Variants in PPP2R3B observed in about 807,000 individuals in gnomAD.
PPP2R3B encodes the protein protein phosphatase 2 regulatory subunit B''beta.
Under a neutral mutation model 72.9 loss-of-function variants are expected in PPP2R3B, and 68 were observed. The ratio of observed to expected loss-of-function variants is 0.93; its 90% CI spans 0.77 to 1.14. The LOEUF is 1.14. PPP2R3B is among the 50% of genes most tolerant of loss of function. PPP2R3B has a pLI of 0.00. For synonymous variants in PPP2R3B, 466 were observed against 375.8 expected (o/e 1.24, Z -2.78); for missense variants, 1,018 against 842.0 (o/e 1.21, Z -2.59).
rs753394691 is a variant in PPP2R3B at position 341,878 on chromosome X, C to T, written c.1085+5G>A. 5 of 1,612,638 alleles carry T rather than the reference C, an allele frequency of 3.1e-6. No homozygotes were observed. The highest frequency in any genetic ancestry group is 1.1e-5 in the South Asian group (1 of 91,082). Reference sequence around the variant, plus strand: ...GCTGCCGTCAGGCGCCTGAGCCGTACGTACCGTGTGACTGCTCCTGAGAAG... The same window carrying T: ...GCTGCCGTCAGGCGCCTGAGCCGTATGTACCGTGTGACTGCTCCTGAGAAG... On this transcript the variant is annotated splice_donor_5th_base_variant and intron_variant, in intron 8 of 12. Transcript: ENST00000390665.
chrX:364,581 G>C (rs957728440), intron 1 of PPP2R3B, among the ~76,000 whole-genome samples: 6 of 149,626 alleles, frequency 4.0e-5, no homozygotes, highest in African/African-American at 7.4e-5. Flanking sequence ...AGCCGGGTGT[G>C]GTGGAGGGTG....
intron 1 of PPP2R3B, among the ~76,000 whole-genome samples, chrX:369,033 G>A (rs1226031533): frequency 6.6e-6 from 1 of 152,212 alleles, no homozygotes. Context: ...CACAGCTGCA[G>A]AGCACACATT....
At chrX:370,522 G>C (rs2071836478) in intron 1 of PPP2R3B, among the ~76,000 whole-genome samples, 1 of 152,190 alleles carries the variant, frequency 6.6e-6, no homozygotes. Context: ...AACACAGCGA[G>C]GGGAGGATCC....
chrX:348,609 C>T (rs2071272044), intron 2 of PPP2R3B, among the ~76,000 whole-genome samples: 1 of 150,086 alleles, frequency 6.7e-6, no homozygotes, highest in Admixed American at 6.6e-5. Context: ...GCCATGTCAG[C>T]TGTAACTACA....
chrX:358,712 C>T (rs974430554), intron 2 of PPP2R3B, among the ~76,000 whole-genome samples: 16 of 152,294 alleles, frequency 1.1e-4, no homozygotes, highest in African/African-American at 3.1e-4. Flanking sequence ...GAGGTGACAC[C>T]GAGAACTGAG....
intron 1 of PPP2R3B, among the ~76,000 whole-genome samples, chrX:375,016 TCTC>T (rs1414132051): frequency 6.6e-6 from 1 of 152,028 alleles, no homozygotes; most frequent in Non-Finnish European, 1.5e-5. Flanking sequence ...GGCCTTTTCT[TCTC>T]CTGCAACCTT....
In PPP2R3B at chrX:338,629, T is replaced by A. The variant is rs761786547; in HGVS notation, c.1552A>T (p.Thr518Ser). 1 of 1,609,254 alleles carries A rather than the reference T, an allele frequency of 6.2e-7. No individual in the cohort carries two copies. Among genetic ancestry groups the A allele is most frequent in the South Asian group, 1.1e-5 (1 of 90,518 alleles). The change falls in exon 12 of 13, where the codon ACT becomes TCT. Residue 518 changes from threonine to serine, a missense_variant. Transcript: ENST00000390665. Reference protein sequence around the residue: ...EEYDILVAEETAGEPWEDGFE... With the variant: ...EEYDILVAEESAGEPWEDGFE... ...CCGTCCTCCCAGGGCTCTCCCGCAGTCTCCTCGGCCACCAGGATGTCGTAC... is the reference window on the plus strand; with the variant it reads ...CCGTCCTCCCAGGGCTCTCCCGCAGACTCCTCGGCCACCAGGATGTCGTAC...
chrX:345,957 C>T (rs906791564), intron 6 of PPP2R3B, among the ~76,000 whole-genome samples: 2 of 147,020 alleles, frequency 1.4e-5, no homozygotes, highest in Non-Finnish European at 3.0e-5. Context: ...CCCCACCCGC[C>T]TCCTAGATCA....
chrX:335,983 C>G (rs758888913), intron 12 of PPP2R3B: 1 of 152,074 alleles, frequency 6.6e-6, no homozygotes, highest in African/African-American at 2.4e-5. Flanking sequence ...CTGGGCAACA[C>G]GGTGAAACCC....
At chrX:370,113 G>A (rs937947206) in intron 1 of PPP2R3B, among the ~76,000 whole-genome samples, 18 of 152,194 alleles carry the variant, frequency 1.2e-4, no homozygotes, top group African/African-American at 4.8e-5. Context: ...CACGCTGGAC[G>A]GCTAAACACA....
At chrX:341,247 T>G (rs1306034775) in intron 9 of PPP2R3B, 60 bp downstream of exon 9, 1 of 1,578,916 alleles carries the variant, frequency 6.3e-7, no homozygotes, top group African/African-American at 1.3e-5. Context: ...GGGACACATG[T>G]CACATGGGCG....
intron 1 of PPP2R3B, among the ~76,000 whole-genome samples, chrX:375,511 C>T (rs2071971408): frequency 6.8e-6 from 1 of 147,358 alleles, no homozygotes; most frequent in African/African-American, 2.6e-5. Flanking sequence ...TGATGTGGGG[C>T]ACAAACTCAC....
At chrX:338,092 A>T (rs2070939119) in intron 12 of PPP2R3B, 1 of 175,302 alleles carries the variant, frequency 5.7e-6, no homozygotes, top group African/African-American at 2.4e-5. Context: ...GTGAAAACAT[A>T]CGTCACAAAC....
chrX:361,660 C>T (rs2071544420), intron 1 of PPP2R3B, 70 bp from the exon 2 acceptor site: 2 of 1,570,624 alleles, frequency 1.3e-6, no homozygotes, highest in South Asian at 1.2e-5. Context: ...CCGGACAACA[C>T]ACGGGGCCTC....
At position 338,689 on chromosome X, in the gene PPP2R3B, C is replaced by T. The variant is rs200458715; in HGVS notation, c.1492G>A (p.Glu498Lys). Reference sequence around the variant, plus strand: ...GCGTACTTCTCCCAGTCCGAGAGCTCGGGGCCGCCGCTGTCACCGTCCTGG... The same window carrying T: ...GCGTACTTCTCCCAGTCCGAGAGCTTGGGGCCGCCGCTGTCACCGTCCTGG... ...LLRDGDSGGP[E>K]LSDWEKYAAE... is the part of the protein sequence containing the mutation. The change falls in exon 12 of 13, where the codon GAG (glutamate) becomes AAG (lysine). Residue 498 changes from glutamate to lysine, a missense_variant. Glu to Lys is a moderately conservative substitution (Grantham distance 56). Coordinates refer to ENST00000390665, the MANE Select transcript of PPP2R3B (RefSeq NM_013239.5). 7.9e-5 allele frequency: 127 copies of T among 1,611,490 alleles called. No individual in the cohort carries two copies. The highest frequency in any genetic ancestry group is 9.3e-5 in the Non-Finnish European group (110 of 1,179,652).
intron 6 of PPP2R3B, 114 bp downstream of exon 6, chrX:346,060 G>T: frequency 1.9e-6 from 1 of 520,162 alleles, no homozygotes; most frequent in Non-Finnish European, 3.4e-6. Context: ...TGGGGGTGGG[G>T]GTGGGAGAGG....
intron 1 of PPP2R3B, among the ~76,000 whole-genome samples, chrX:366,617 C>A (rs866049087): frequency 9.7e-4 from 8 of 8,282 alleles, no homozygotes; most frequent in African/African-American, 1.5e-3. Context: ...AGAATCGCTT[C>A]AACACAGGAG....
At chrX:346,419 C>T in intron 5 of PPP2R3B, 159 bp from the exon 6 acceptor site, 2 of 693,406 alleles carry the variant, frequency 2.9e-6, no homozygotes, top group Non-Finnish European at 4.7e-6. Context: ...GCGGGAGGCG[C>T]CGCCCCAGGC....
chrX:370,771 C>T (rs755500878), intron 1 of PPP2R3B, among the ~76,000 whole-genome samples: 7 of 152,254 alleles, frequency 4.6e-5, no homozygotes, highest in East Asian at 1.9e-4. Flanking sequence ...GGGAGGGGAA[C>T]GGCACGTGCC....
Sources: allele counts gnomAD v4.1 joint callset (sites outside exome capture counted in the v4.1 genomes callset), GRCh38; gene constraint gnomAD v4.1.1; transcripts MANE v1.5; gene names NCBI Gene and HGNC (gene_info 2026-07-23, HGNC 2026-07-21).